The following IGSF21 variants were observed in gnomAD, a reference collection of about 807,000 sequenced individuals.
The protein encoded by IGSF21 is immunoglobulin superfamily member 21.
In IGSF21, 28 loss-of-function variants were observed where a neutral mutation model predicts 46.8. The observed-to-expected ratio is 0.60, with a 90% CI of 0.44 to 0.82. IGSF21 has a LOEUF of 0.82. Ranked by LOEUF, IGSF21 falls within the 40% of genes least tolerant of loss-of-function variation. The probability of loss-of-function intolerance (pLI) is 0.00; values close to 1 mark genes in which losing one functional copy is unlikely to be tolerated. For synonymous variants in IGSF21, 284 were observed against 273.6 expected (o/e 1.04, Z -0.38); for missense variants, 624 against 665.5 (o/e 0.94, Z 0.69).
In IGSF21 at chr1:18,316,202, C is replaced by T. The variant is rs991658222; in HGVS notation, c.306-18690C>T. ...GCCAGGCGATGATGCAGAGCGGTGG[C>T]GGTTAGGTGCCCCAGAGACTTTGGG... On this transcript the variant is annotated intron_variant, in intron 3 of 9. Coordinates refer to ENST00000251296, the MANE Select transcript of IGSF21 (RefSeq NM_032880.5). Among the ~76,000 whole-genome samples the T allele has an allele frequency of 6.6e-5, 10 of 152,114 alleles. No individual in the cohort carries two copies. The South Asian group carries it at 8.3e-4, about 13-fold the overall frequency.
At chr1:18,245,731 T>A (rs1052791882) in intron 2 of IGSF21, among the ~76,000 whole-genome samples, 1 of 152,198 alleles carries the variant, frequency 6.6e-6, no homozygotes, top group Admixed American at 6.5e-5. Context: ...TAGGATCTGT[T>A]TCCTCTGCTG....
intron 3 of IGSF21, among the ~76,000 whole-genome samples, chr1:18,325,979 T>C (rs916067311): frequency 1.4e-4 from 21 of 152,200 alleles, no homozygotes; most frequent in African/African-American, 4.8e-4. Flanking sequence ...CCCAGCCACC[T>C]CTGCCAATTA....
chr1:18,207,864 A>G (rs935238508), intron 1 of IGSF21, among the ~76,000 whole-genome samples: 1 of 152,200 alleles, frequency 6.6e-6, no homozygotes. Flanking sequence ...CAGCCAGTGC[A>G]TGAATCAATG....
chr1:18,354,882 GT>G (rs2085998763), intron 4 of IGSF21, among the ~76,000 whole-genome samples: 1 of 71,650 alleles, frequency 1.4e-5, no homozygotes, highest in South Asian at 5.1e-4. Context: ...CTTACAGAAG[GT>G]TTATGTTTGC....
rs867038260 is a variant in IGSF21 at position 18,107,926 on chromosome 1, C to T, written c.-203C>T. 756 of 184,656 alleles carry T rather than the reference C, an allele frequency of 4.1e-3. 7 individuals are homozygous for T. The highest frequency in any genetic ancestry group is 0.016 in the African/African-American group (687 of 42,116). The allele number at this position is 184,656 out of a possible 1,614,324, so 11.4% of individuals were successfully genotyped here. On this transcript the variant is annotated 5_prime_UTR_variant, in exon 1 of 10. Transcript: ENST00000251296. Reference sequence around the variant, plus strand: ...CCAGAGCGCGAGGGTCGCTGCGCCTCGCAGAGCCGGAGCCGAGTCGAGCCG... The same window carrying T: ...CCAGAGCGCGAGGGTCGCTGCGCCTTGCAGAGCCGGAGCCGAGTCGAGCCG...
At chr1:18,170,861 A>T (rs2086729718) in intron 1 of IGSF21, among the ~76,000 whole-genome samples, 1 of 152,170 alleles carries the variant, frequency 6.6e-6, no homozygotes, top group Non-Finnish European at 1.5e-5. Flanking sequence ...TTACATTCAG[A>T]GAAGACAGTG....
rs775709345 is a variant in IGSF21 at position 18,362,239 on chromosome 1, C to G, written c.540+9C>G. ...GAAAACCAGCACCCATGGTGAGTAC[C>G]CCTGGAGTGCCCAGCTCCTTCCTAT... On this transcript the variant is annotated intron_variant, in intron 5 of 9. Transcript: ENST00000251296. 5 of 1,583,236 alleles carry G rather than the reference C, an allele frequency of 3.2e-6. No individual in the cohort carries two copies. Among genetic ancestry groups the G allele is most frequent in the East Asian group, 4.5e-5 (2 of 44,504 alleles).
intron 2 of IGSF21, among the ~76,000 whole-genome samples, chr1:18,242,201 T>C (rs2084737602): frequency 6.6e-6 from 1 of 152,128 alleles, no homozygotes; most frequent in Non-Finnish European, 1.5e-5. Context: ...TACTCTGAGA[T>C]GACACAGGCA....
chr1:18,186,494 T>C (rs1473080349), intron 1 of IGSF21, among the ~76,000 whole-genome samples: 1 of 152,090 alleles, frequency 6.6e-6, no homozygotes, highest in African/African-American at 2.4e-5. Flanking sequence ...GCACTTGGAG[T>C]GACCCAATCT....
chr1:18,340,177 A>AC (rs1202338219), intron 4 of IGSF21, among the ~76,000 whole-genome samples: 1 of 152,082 alleles, frequency 6.6e-6, no homozygotes, highest in Non-Finnish European at 1.5e-5. Flanking sequence ...CATTGCAGGC[A>AC]CTGTTGTGTG....
intron 1 of IGSF21, among the ~76,000 whole-genome samples, chr1:18,208,376 A>AAAATATATATATATATATATATATATAT (rs2084353506): frequency 4.5e-5 from 1 of 22,034 alleles, no homozygotes; most frequent in Non-Finnish European, 9.6e-5. Context: ...GTTTAGGAAT[A>AAAATATATATATATATATATATATATAT]ATATATATAT....
chr1:18,335,935 C>T lies in IGSF21; in HGVS notation c.424+925C>T, dbSNP rs959429006. Among the ~76,000 whole-genome samples, 9 of 152,182 alleles carry T rather than the reference C, an allele frequency of 5.9e-5. No homozygotes were observed. Among genetic ancestry groups the T allele is most frequent in the Non-Finnish European group, 1.2e-4 (8 of 68,038 alleles). On this transcript the variant is annotated intron_variant, in intron 4 of 9. Transcript: ENST00000251296. The surrounding 1 kb of genome is among the most constrained non-coding windows in gnomAD (Gnocchi z 4.8). The stretch of plus-strand genomic sequence containing the variant: ...GCATTGCCAGGAAAAGCCCCTCTCT[C>T]GCAGTTACTCATGCACCACTCAGCT...
At chr1:18,164,046 G>A (rs4920301) in intron 1 of IGSF21, among the ~76,000 whole-genome samples, 8,462 of 152,294 alleles carry the variant, frequency 0.056, 343 homozygotes, top group South Asian at 0.14. Flanking sequence ...AGACTGCCCA[G>A]TGGCTGACAC....
At chr1:18,292,915 A>C (rs1025448717) in intron 3 of IGSF21, among the ~76,000 whole-genome samples, 10 of 152,206 alleles carry the variant, frequency 6.6e-5, no homozygotes, top group Non-Finnish European at 1.0e-4. Flanking sequence ...CCACACCGCC[A>C]AATGCTTTGC....
chr1:18,259,382 T>G (rs1163316648), intron 2 of IGSF21, among the ~76,000 whole-genome samples: 2 of 152,168 alleles, frequency 1.3e-5, no homozygotes, highest in African/African-American at 4.8e-5. Context: ...CAGTAGGTGC[T>G]CAGTACAGGC....
At chr1:18,281,148 C>A (rs78942046) in intron 2 of IGSF21, among the ~76,000 whole-genome samples, 2 of 109,242 alleles carry the variant, frequency 1.8e-5, no homozygotes, top group East Asian at 4.2e-4. Flanking sequence ...AATGAACAGG[C>A]AAGTGAATGA....
intron 3 of IGSF21, among the ~76,000 whole-genome samples, chr1:18,308,221 C>CG (rs1053343908): frequency 2.6e-4 from 40 of 152,310 alleles, no homozygotes; most frequent in African/African-American, 7.7e-4. Context: ...GAAGAATTAA[C>CG]GGGGGATCTG....
chr1:18,256,469 G>A (rs553799248), intron 2 of IGSF21, among the ~76,000 whole-genome samples: 78 of 152,276 alleles, frequency 5.1e-4, no homozygotes, highest in African/African-American at 1.8e-3. Flanking sequence ...GTCACCCAGG[G>A]AGCCGGCTCC....
At chr1:18,119,773 T>C (rs1435925824) in intron 1 of IGSF21, among the ~76,000 whole-genome samples, 1 of 132,810 alleles carries the variant, frequency 7.5e-6, no homozygotes, top group Admixed American at 7.8e-5. Flanking sequence ...TTTTTTTTTT[T>C]TCATTGTAAT....
Sources: gnomAD v4.1 joint callset for allele counts (sites outside exome capture counted in the v4.1 genomes callset) on GRCh38, gnomAD v4.1.1 for gene constraint, Gnocchi (gnomAD v3.1) non-coding constraint, MANE v1.5 for transcripts, NCBI Gene and HGNC (gene_info 2026-07-23, HGNC 2026-07-21) for gene names.